Variants in SLC38A12 observed in about 807,000 individuals in gnomAD.
SLC38A12 encodes putative sodium-coupled neutral amino acid transporter 12.
the SLC38A12 span, among the ~76,000 whole-genome samples, chr17:74,824,719 T>C: frequency 1.3e-5 from 2 of 152,184 alleles, no homozygotes; most frequent in Non-Finnish European, 2.9e-5. Context: ...CTGCACACGC[T>C]CTTTTTGCAT....
chr17:74,779,859 T>G, the SLC38A12 span, among the ~76,000 whole-genome samples: 1 of 152,238 alleles, frequency 6.6e-6, no homozygotes, highest in African/African-American at 2.4e-5. Context: ...TAGCTTGAAT[T>G]ATTCTGCCTA....
chr17:74,795,572 C>A, the SLC38A12 span: 1 of 1,614,138 alleles, frequency 6.2e-7, no homozygotes, highest in South Asian at 1.1e-5. Flanking sequence ...ACACCAAATA[C>A]AATGACACTG....
chr17:74,831,569 G>A, the SLC38A12 span, among the ~76,000 whole-genome samples: 1 of 152,182 alleles, frequency 6.6e-6, no homozygotes, highest in Non-Finnish European at 1.5e-5. Context: ...CCTCCCCTCT[G>A]CCTCCTCCCA....
At chr17:74,795,615 G>T in the SLC38A12 span, 12 of 1,613,650 alleles carry the variant, frequency 7.4e-6, no homozygotes, top group Admixed American at 1.7e-5. Flanking sequence ...CCGAGTGGAC[G>T]CCTACCGCAT....
At chr17:74,817,108 T>C in the SLC38A12 span, among the ~76,000 whole-genome samples, 1 of 150,356 alleles carries the variant, frequency 6.7e-6, no homozygotes, top group African/African-American at 2.4e-5. Context: ...TCCGGATGCC[T>C]GCTCCTGCAG....
chr17:74,829,722 T>C, the SLC38A12 span, among the ~76,000 whole-genome samples: 1 of 151,886 alleles, frequency 6.6e-6, no homozygotes, highest in Non-Finnish European at 1.5e-5. The surrounding 1 kb of genome is among the most constrained non-coding windows in gnomAD (Gnocchi z 4.1). Context: ...AGAGCGGAGG[T>C]AGGGGCTCCT....
chr17:74,795,631 TGG>T, the SLC38A12 span: 1 of 1,612,346 alleles, frequency 6.2e-7, no homozygotes, highest in Non-Finnish European at 8.5e-7. Context: ...CGCATCTACT[TGG>T]TGAGTGTCTG....
the SLC38A12 span, among the ~76,000 whole-genome samples, chr17:74,789,916 T>G: frequency 6.8e-6 from 1 of 146,080 alleles, no homozygotes. Context: ...AGTTCCATGC[T>G]CTTTTTTTTT....
At chr17:74,835,810 C>G in the SLC38A12 span, 1 of 1,492,656 alleles carries the variant, frequency 6.7e-7, no homozygotes, top group South Asian at 1.4e-5. Context: ...CATGAACATG[C>G]ATTTAATGAC....
At chr17:74,831,800 C>T in the SLC38A12 span, among the ~76,000 whole-genome samples, 1 of 152,248 alleles carries the variant, frequency 6.6e-6, no homozygotes, top group East Asian at 1.9e-4. Context: ...CCTCCACACC[C>T]GTCTGGCTTC....
the SLC38A12 span, chr17:74,836,272 T>G: frequency 6.2e-7 from 1 of 1,611,798 alleles, no homozygotes; most frequent in Non-Finnish European, 8.5e-7. This position sits in a 1 kb window ranked among gnomAD's most constrained non-coding sequence, Gnocchi z 4.2. Context: ...TTCCTGGGCC[T>G]CTTCCCCGTC....
At chr17:74,797,776 G>A in the SLC38A12 span, among the ~76,000 whole-genome samples, 1 of 152,214 alleles carries the variant, frequency 6.6e-6, no homozygotes, top group Admixed American at 6.5e-5. Flanking sequence ...TGGCAAAGAT[G>A]TGGGTTTCCT....
chr17:74,811,999 T>G, the SLC38A12 span, among the ~76,000 whole-genome samples: 4 of 151,356 alleles, frequency 2.6e-5, no homozygotes, highest in Non-Finnish European at 5.9e-5. Context: ...TGAGCTATGA[T>G]CGCACCACTG....
the SLC38A12 span, chr17:74,785,723 A>T: frequency 7.4e-7 from 1 of 1,343,720 alleles, no homozygotes; most frequent in Non-Finnish European, 1.0e-6. Context: ...CCCCGTATCG[A>T]GCTCAGTGAG....
At chr17:74,836,616 G>T in the SLC38A12 span, 4 of 1,613,186 alleles carry the variant, frequency 2.5e-6, no homozygotes, top group Non-Finnish European at 3.4e-6. The surrounding 1 kb of genome is among the most constrained non-coding windows in gnomAD (Gnocchi z 4.2). Flanking sequence ...GGTGGGCTTC[G>T]TGCTGCTCTG....
the SLC38A12 span, among the ~76,000 whole-genome samples, chr17:74,800,910 G>C: frequency 2.0e-5 from 3 of 152,206 alleles, no homozygotes; most frequent in Non-Finnish European, 4.4e-5. Context: ...GTCTAGAAAC[G>C]GAATGCAGGA....
chr17:74,816,629 C>T, the SLC38A12 span, among the ~76,000 whole-genome samples: 490 of 152,346 alleles, frequency 3.2e-3, 3 homozygotes, highest in African/African-American at 0.011. Context: ...ACTTTATTCC[C>T]CATGACCAGT....
At chr17:74,798,277 C>T in the SLC38A12 span, among the ~76,000 whole-genome samples, 1 of 152,194 alleles carries the variant, frequency 6.6e-6, no homozygotes, top group Non-Finnish European at 1.5e-5. Flanking sequence ...CATCTGGAAG[C>T]GATTTCTTCT....
the SLC38A12 span, among the ~76,000 whole-genome samples, chr17:74,778,639 C>CTTTTTTTTTTTTTTT: frequency 1.3e-5 from 1 of 75,786 alleles, no homozygotes. Flanking sequence ...CAGGGGAAGT[C>CTTTTTTTTTTTTTTT]TTTTTTTTTT....
Sources: gnomAD v4.1 joint callset for allele counts (sites outside exome capture counted in the v4.1 genomes callset) on GRCh38, gnomAD v4.1.1 for gene constraint, Gnocchi (gnomAD v3.1) non-coding constraint, MANE v1.5 for transcripts, NCBI Gene and HGNC (gene_info 2026-07-23, HGNC 2026-07-21) for gene names.